The following ADI1 variants were observed in gnomAD, a reference collection of about 807,000 sequenced individuals.
ADI1 encodes the protein acireductone dioxygenase 1, also known as acireductone dioxygenase.
Under a neutral mutation model 18.7 loss-of-function variants are expected in ADI1, and 21 were observed. The observed-to-expected ratio is 1.13, with a 90% CI of 0.80 to 1.62. The LOEUF is 1.62. ADI1 is among the 40% of genes most tolerant of loss of function. The probability of loss-of-function intolerance (pLI) is 0.00; values close to 1 mark genes in which losing one functional copy is unlikely to be tolerated. For missense variants in ADI1, 245 were observed against 254.9 expected (o/e 0.96, Z 0.26); for synonymous variants, 90 against 100.1 (o/e 0.90, Z 0.60).
At chr2:3,502,725 C>G (rs894255710) in intron 2 of ADI1, among the ~76,000 whole-genome samples, 1 of 152,136 alleles carries the variant, frequency 6.6e-6, no homozygotes, top group African/African-American at 2.4e-5. Flanking sequence ...GCTAGGATTA[C>G]AGGCGTGAGC....
intron 2 of ADI1, among the ~76,000 whole-genome samples, chr2:3,505,374 C>T (rs1667153638): frequency 6.6e-6 from 1 of 152,184 alleles, no homozygotes; most frequent in Admixed American, 6.5e-5. Flanking sequence ...CCAAACTGTA[C>T]TTGACCAGTT....
At chr2:3,505,470 G>T (rs1667156760) in intron 2 of ADI1, among the ~76,000 whole-genome samples, 1 of 152,204 alleles carries the variant, frequency 6.6e-6, no homozygotes, top group Admixed American at 6.5e-5. Context: ...AATTTTACCT[G>T]CAAAAGCTCT....
At chr2:3,502,036 C>T (rs56354398) in intron 2 of ADI1, among the ~76,000 whole-genome samples, 31,581 of 102,286 alleles carry the variant, frequency 0.31, 3,913 homozygotes, top group African/African-American at 0.53. Context: ...CACACACACA[C>T]ACACACAGAG....
chr2:3,507,536 T>C (rs1234523358), intron 2 of ADI1, among the ~76,000 whole-genome samples: 4 of 151,504 alleles, frequency 2.6e-5, no homozygotes, highest in African/African-American at 9.7e-5. Context: ...AACCTAGCAA[T>C]CTGTATCCAG....
intron 2 of ADI1, among the ~76,000 whole-genome samples, chr2:3,512,832 T>C (rs1040911669): frequency 3.9e-5 from 6 of 152,150 alleles, no homozygotes; most frequent in Admixed American, 1.3e-4. Flanking sequence ...GACCCAAGAA[T>C]GATAGATTCA....
chr2:3,498,952 A>G lies in ADI1; in HGVS notation c.*11T>C. On this transcript the variant is annotated 3_prime_UTR_variant, in exon 4 of 4. Transcript: ENST00000327435. Reference sequence around the variant, plus strand: ...CTTTACGAGGCACGTGTTAGTTCCCAGGCAGCACTGCTAGGCGGTCTGTGC... The same window carrying G: ...CTTTACGAGGCACGTGTTAGTTCCCGGGCAGCACTGCTAGGCGGTCTGTGC... 1 of 1,603,444 alleles carries G rather than the reference A, an allele frequency of 6.2e-7. No homozygotes were observed. The highest frequency in any genetic ancestry group is 8.5e-7 in the Non-Finnish European group (1 of 1,171,768).
At chr2:3,509,017 G>A (rs1572236633) in intron 2 of ADI1, among the ~76,000 whole-genome samples, 2 of 127,234 alleles carry the variant, frequency 1.6e-5, no homozygotes, top group Admixed American at 8.4e-5. Context: ...GGGAGGGAGG[G>A]AGGGAGGGAG....
At chr2:3,508,057 G>A (rs1054099494) in intron 2 of ADI1, among the ~76,000 whole-genome samples, 12 of 152,018 alleles carry the variant, frequency 7.9e-5, no homozygotes, top group African/African-American at 2.2e-4. Context: ...ACAATAGGCC[G>A]GGCACGGTGG....
chr2:3,498,915 T>G lies in ADI1; in HGVS notation c.*48A>C. ...AGTGATTGATTTTCTGCTCAGTCATTACATTGGGGACCTTTACGAGGCACG... is the reference window on the plus strand; with the variant it reads ...AGTGATTGATTTTCTGCTCAGTCATGACATTGGGGACCTTTACGAGGCACG... On this transcript the variant is annotated 3_prime_UTR_variant, in exon 4 of 4. Transcript: ENST00000327435. 1 of 1,569,276 alleles carries G rather than the reference T, an allele frequency of 6.4e-7. No homozygotes were observed. Among genetic ancestry groups the G allele is most frequent in the South Asian group, 1.1e-5 (1 of 87,758 alleles).
At chr2:3,516,599 A>C (rs536962427) in intron 1 of ADI1, 2 of 501,052 alleles carry the variant, frequency 4.0e-6, no homozygotes, top group East Asian at 3.0e-4. Flanking sequence ...CAGACACTAA[A>C]TCTGCTGGCA....
chr2:3,511,156 A>T (rs903595458), intron 2 of ADI1, among the ~76,000 whole-genome samples: 1 of 152,144 alleles, frequency 6.6e-6, no homozygotes, highest in Non-Finnish European at 1.5e-5. Flanking sequence ...CTGGCTATTT[A>T]AAACTGGGTG....
chr2:3,516,561 T>C (rs1365208540), intron 1 of ADI1: 14 of 224,904 alleles, frequency 6.2e-5, no homozygotes, highest in Non-Finnish European at 1.0e-4. Flanking sequence ...AGCAAGGAAA[T>C]GGCCGTCTAT....
In ADI1 at chr2:3,511,745, A is replaced by T. The variant is rs1298334885; in HGVS notation, c.240+2112T>A. 2.6e-5 allele frequency among the ~76,000 whole-genome samples: 4 copies of T among 152,236 alleles called. No homozygotes were observed. The East Asian group carries it at 7.7e-4, about 29-fold the overall frequency. ...AGGCTCAGAAGGAGACAGGAAGATG[A>T]GGGAAAGTTTGGAACTTTTTAGAGA... On this transcript the variant is annotated intron_variant, in intron 2 of 3. Coordinates refer to ENST00000327435, the MANE Select transcript of ADI1 (RefSeq NM_018269.4).
intron 1 of ADI1, chr2:3,517,882 A>C (rs1477034162): frequency 6.6e-6 from 1 of 152,236 alleles, no homozygotes; most frequent in African/African-American, 2.4e-5. Flanking sequence ...GTTTGAGCCC[A>C]TGTAATAATC....
At chr2:3,517,419 C>G (rs900085259) in intron 1 of ADI1, 1 of 152,176 alleles carries the variant, frequency 6.6e-6, no homozygotes, top group Non-Finnish European at 1.5e-5. Context: ...AGATCTTTAA[C>G]TAAATTTGTT....
intron 1 of ADI1, chr2:3,515,909 A>G (rs1435085700): frequency 1.3e-5 from 13 of 985,458 alleles, no homozygotes; most frequent in Non-Finnish European, 1.6e-5. Flanking sequence ...ACTCCAGAAC[A>G]TATTAAAGTA....
chr2:3,519,524 C>T lies in ADI1; in HGVS notation c.-37G>A, dbSNP rs1667510115. On this transcript the variant is annotated 5_prime_UTR_variant, in exon 1 of 4. Coordinates refer to ENST00000327435, the MANE Select transcript of ADI1 (RefSeq NM_018269.4). ...CGGGTGCCGTGTTCGAACCCAGGGG[C>T]CGCGCTCGGAGCCCGTCGGCCGCGC... 1 of 1,255,304 alleles carries T rather than the reference C, an allele frequency of 8.0e-7. No individual in the cohort carries two copies. The highest frequency in any genetic ancestry group is 4.1e-5 in the Admixed American group (1 of 24,482). 77.8% of individuals were successfully genotyped at this position (1,255,304 alleles called of 1,614,324 possible).
At chr2:3,503,462 C>G (rs1667088817) in intron 2 of ADI1, among the ~76,000 whole-genome samples, 1 of 147,334 alleles carries the variant, frequency 6.8e-6, no homozygotes, top group South Asian at 2.1e-4. Context: ...CGGACGTACA[C>G]TCACACGTGT....
At chr2:3,500,519 G>GTGTACCTGCCGCCGCA (rs6146601) in intron 3 of ADI1, 18 of 529,746 alleles carry the variant, frequency 3.4e-5, no homozygotes, top group Non-Finnish European at 5.8e-5. Context: ...GCTCGTGGGT[G>GTGTACCTGCCGCCGCA]TGTACCTGCC....
Sources: gnomAD v4.1 joint callset for allele counts (sites outside exome capture counted in the v4.1 genomes callset) on GRCh38, gnomAD v4.1.1 for gene constraint, MANE v1.5 for transcripts, NCBI Gene and HGNC (gene_info 2026-07-23, HGNC 2026-07-21) for gene names.